The following MTG1 variants were observed in gnomAD, a reference collection of about 807,000 sequenced individuals.
MTG1 encodes mitochondrial ribosome associated GTPase 1.
Under a neutral mutation model 39.5 loss-of-function variants are expected in MTG1, and 30 were observed. That is an observed-to-expected ratio of 0.76 (90% CI 0.57 to 1.03). The LOEUF (loss-of-function observed/expected upper bound fraction) is 1.03, where lower values mean the gene tolerates loss of function less well. Among genes scored for constraint, MTG1 ranks in the 50% least tolerant of loss-of-function variants. The pLI is 0.00. For synonymous variants in MTG1, 217 were observed against 179.0 expected, an observed-to-expected ratio of 1.21 and a Z score of -1.69; for missense variants, 513 against 447.4, an observed-to-expected ratio of 1.15 and a Z score of -1.32.
chr10:133,396,346 C>A, intron 3 of MTG1, 79 bp downstream of exon 3: 2 of 1,229,372 alleles, frequency 1.6e-6, no homozygotes, highest in Non-Finnish European at 1.2e-6. Context: ...GAAGAGTTGC[C>A]GGACGCACAC....
rs544083330 is a variant in MTG1, at chr10:133,402,328, C to G, written c.670+83C>G. 1.0e-5 allele frequency: 16 copies of G among 1,528,082 alleles called. No individual in the cohort carries two copies. The highest frequency in any genetic ancestry group is 2.0e-4 in the Middle Eastern group (1 of 5,124). The allele number at this position is 1,528,082 out of a possible 1,614,324, so 94.7% of individuals were successfully genotyped here. A position where few individuals can be genotyped will look rare whatever the true frequency, so the allele number is the denominator to read the frequency against. ...TTTAGGGCTGGCTTTGGCACAGGGC[C>G]CCTAGACGGGAGTTGTTACTGCCTT... On this transcript the variant is annotated intron_variant, in intron 8 of 10. Transcript: ENST00000317502. The surrounding 1 kb of genome is among the most constrained non-coding windows in gnomAD (Gnocchi z 4.7).
In MTG1 at chr10:133,419,518, A is replaced by G; in HGVS notation, c.791A>G (p.Asn264Ser). 2 of 1,609,202 alleles carry G rather than the reference A, an allele frequency of 1.2e-6. No individual in the cohort carries two copies. The highest frequency in any genetic ancestry group is 1.7e-6 in the Non-Finnish European group (2 of 1,178,114). ...QHYGLGSACD[N>S]VERVLKSVAV... is the part of the protein sequence containing the mutation. ...TACGGCCTGGGCAGTGCCTGTGACAACGTAGAGCGCGTGCTGAAGAGTGTG... is the reference window on the plus strand; with the variant it reads ...TACGGCCTGGGCAGTGCCTGTGACAGCGTAGAGCGCGTGCTGAAGAGTGTG... The change falls in exon 10 of 11, where the codon AAC (asparagine) becomes AGC (serine). Residue 264 changes from asparagine to serine, a missense_variant. Coordinates refer to ENST00000317502, the MANE Select transcript of MTG1 (RefSeq NM_138384.4).
At chr10:133,419,449 C>G in intron 9 of MTG1, 31 bp from the exon 10 acceptor site, 2 of 1,554,152 alleles carry the variant, frequency 1.3e-6, no homozygotes, top group African/African-American at 1.4e-5. Flanking sequence ...AGTGCTGGGC[C>G]CCCTGGTGCT....
rs147948744 is a variant in MTG1 at position 133,396,136 on chromosome 10, G to A, written c.178-27G>A. On this transcript the variant is annotated intron_variant, in intron 2 of 10. Transcript: ENST00000317502. ...AAGTTGGTTGGCTGGTAAAGCTTTGGAGGAATTTTTACCTTAATTTTGCCA... is the reference window on the plus strand; with the variant it reads ...AAGTTGGTTGGCTGGTAAAGCTTTGAAGGAATTTTTACCTTAATTTTGCCA... 3 of 1,607,064 alleles carry A rather than the reference G, an allele frequency of 1.9e-6. No individual in the cohort carries two copies. In the African/African-American group the frequency reaches 4.0e-5, roughly 21 times the overall value.
chr10:133,395,046 G>A (rs1187883295), intron 1 of MTG1, among the ~76,000 whole-genome samples: 2 of 152,182 alleles, frequency 1.3e-5, no homozygotes, highest in African/African-American at 2.4e-5. Context: ...CATCATCCCC[G>A]CGAGGTAGCA....
chr10:133,416,717 T>C (rs1312351241), intron 9 of MTG1, among the ~76,000 whole-genome samples: 1 of 146,694 alleles, frequency 6.8e-6, no homozygotes, highest in African/African-American at 2.5e-5. Context: ...TCCATGTCCC[T>C]ACAAAGGACA....
At chr10:133,395,868 C>T (rs1029427639) in intron 2 of MTG1, 91 bp downstream of exon 2, 5 of 1,327,642 alleles carry the variant, frequency 3.8e-6, no homozygotes, top group Middle Eastern at 1.9e-4. Context: ...ATATGAATTG[C>T]GAGGCCCCTT....
chr10:133,403,935 A>C (rs114446300), intron 9 of MTG1, among the ~76,000 whole-genome samples: 47 of 152,158 alleles, frequency 3.1e-4, no homozygotes, highest in African/African-American at 1.1e-3. Context: ...TCAGTCTTTA[A>C]CTTTGGCCTG....
intron 9 of MTG1, among the ~76,000 whole-genome samples, chr10:133,406,556 G>A (rs1168943699): frequency 7.3e-5 from 11 of 151,424 alleles, no homozygotes; most frequent in African/African-American, 2.4e-4. Flanking sequence ...TTTGTTGCCT[G>A]TGCTTTTGAG....
At chr10:133,406,336 A>C (rs1392753525) in intron 9 of MTG1, among the ~76,000 whole-genome samples, 1 of 152,164 alleles carries the variant, frequency 6.6e-6, no homozygotes, top group Non-Finnish European at 1.5e-5. Context: ...CGTGCCGTCC[A>C]GGCTGAGTGC....
intron 9 of MTG1, among the ~76,000 whole-genome samples, chr10:133,403,950 A>G (rs1403693402): frequency 6.6e-6 from 1 of 152,026 alleles, no homozygotes; most frequent in Non-Finnish European, 1.5e-5. Context: ...GGCCTGTCTG[A>G]TGGGCGGGCG....
chr10:133,401,796 A>G (rs1564819634), intron 7 of MTG1: 2 of 705,110 alleles, frequency 2.8e-6, no homozygotes, highest in Non-Finnish European at 2.6e-6. Context: ...TGGGGAAGGC[A>G]CGCTGTTTTC....
intron 9 of MTG1, among the ~76,000 whole-genome samples, chr10:133,412,464 C>A (rs1589916954): frequency 6.6e-6 from 1 of 152,158 alleles, no homozygotes; most frequent in Admixed American, 6.5e-5. Context: ...TTTACCTAGA[C>A]AATTATGTCA....
chr10:133,399,858 C>G, intron 6 of MTG1: 1 of 473,406 alleles, frequency 2.1e-6, no homozygotes. Context: ...AAATCTTTAA[C>G]ATGAAGATGG....
intron 9 of MTG1, among the ~76,000 whole-genome samples, chr10:133,414,698 A>C (rs1405348234): frequency 6.6e-6 from 1 of 152,104 alleles, no homozygotes. Context: ...GGCCAGGCAG[A>C]GGGGCTCCTC....
Position 133,421,694 on chromosome 10 carries a change from G to T in MTG1, c.*1529G>T. 1 of 153,070 alleles carries T rather than the reference G, an allele frequency of 6.5e-6. No individual in the cohort carries two copies. The highest frequency in any genetic ancestry group is 1.5e-5 in the Non-Finnish European group (1 of 68,308). The allele number at this position is 153,070 out of a possible 1,614,324, so 9.5% of individuals were successfully genotyped here. On this transcript the variant is annotated 3_prime_UTR_variant, in exon 11 of 11. Transcript: ENST00000317502. ...GCCCTGGAGCTAGAGAGCAGTGCTT[G>T]GTTGAGTCCTGCCAACAGCTTCCAG...
rs565300284 is a variant in MTG1, at chr10:133,419,529, G to T, written c.802G>T (p.Val268Leu). 1.9e-6 allele frequency: 3 copies of T among 1,610,266 alleles called. No individual in the cohort carries two copies. Among genetic ancestry groups the T allele is most frequent in the Admixed American group, 1.7e-5 (1 of 59,616 alleles). The change falls in exon 10 of 11, where the codon GTG becomes TTG. Residue 268 changes from valine (V) to leucine (L), a missense_variant. Val to Leu is a conservative substitution (Grantham distance 32). Coordinates refer to ENST00000317502, the MANE Select transcript of MTG1 (RefSeq NM_138384.4). ...CAGTGCCTGTGACAACGTAGAGCGCGTGCTGAAGAGTGTGGCTGTGAAGCT... is the reference window on the plus strand; with the variant it reads ...CAGTGCCTGTGACAACGTAGAGCGCTTGCTGAAGAGTGTGGCTGTGAAGCT... ...LGSACDNVER[V>L]LKSVAVKLGK...
chr10:133,419,895 AGT>A, intron 10 of MTG1, 129 bp from the exon 11 acceptor site: 2 of 1,133,214 alleles, frequency 1.8e-6, no homozygotes, highest in Non-Finnish European at 2.5e-6. Context: ...TTTCTTTCTG[AGT>A]GTGATCCCGT....
rs568280190 is a variant in MTG1, at chr10:133,420,067, C to T, written c.907C>T (p.Arg303Cys). 122 of 1,613,308 alleles carry T rather than the reference C, an allele frequency of 7.6e-5. No homozygotes were observed. Among genetic ancestry groups the T allele is most frequent in the Middle Eastern group, 3.3e-4 (2 of 6,058 alleles). ...TCAGCCTAACTATCCTGCGGCAGCCCGTGACTTCCTGCAGACTTTCCGCCG... is the reference window on the plus strand; with the variant it reads ...TCAGCCTAACTATCCTGCGGCAGCCTGTGACTTCCTGCAGACTTTCCGCCG... The part of the protein sequence containing the change: ...IIQPNYPAAA[R>C]DFLQTFRRGL... Residue 303 changes from arginine (R) to cysteine (C), a missense_variant, in exon 11 of 11, where the codon CGT (arginine) becomes TGT (cysteine). By Grantham distance (180) the Arg-to-Cys change is radical (BLOSUM62 -3). Transcript: ENST00000317502.
Sources: gnomAD v4.1 joint callset for allele counts (sites outside exome capture counted in the v4.1 genomes callset) on GRCh38, gnomAD v4.1.1 for gene constraint, Gnocchi (gnomAD v3.1) non-coding constraint, MANE v1.5 for transcripts, NCBI Gene and HGNC (gene_info 2026-07-23, HGNC 2026-07-21) for gene names.